The following SPAG16 variants were observed in gnomAD, a reference collection of about 807,000 sequenced individuals.
SPAG16 encodes the protein sperm-associated antigen 16 protein.
A neutral mutation model predicts 80.4 loss-of-function variants in SPAG16; 86 were observed. That is an observed-to-expected ratio of 1.07 (90% confidence interval 0.90 to 1.28). The LOEUF (loss-of-function observed/expected upper bound fraction) is 1.28. Ranked by LOEUF, SPAG16 falls within the 50% of genes most tolerant of loss-of-function variation. The probability of loss-of-function intolerance (pLI) is 0.00; values close to 1 mark genes in which losing one functional copy is unlikely to be tolerated. For synonymous variants in SPAG16, 294 were observed against 265.9 expected (o/e 1.11, Z -1.03); for missense variants, 870 against 765.3 (o/e 1.14, Z -1.61).
chr2:214,125,999 T>TTCC (rs2054458637), intron 14 of SPAG16, among the ~76,000 whole-genome samples: 2 of 91,630 alleles, frequency 2.2e-5, no homozygotes, highest in African/African-American at 8.1e-5. Flanking sequence ...TCCTTCCTTC[T>TTCC]TTCCTTCCTT....
intron 15 of SPAG16, among the ~76,000 whole-genome samples, chr2:214,244,404 A>G (rs915270370): frequency 1.3e-5 from 2 of 151,810 alleles, no homozygotes; most frequent in African/African-American, 4.8e-5. Context: ...GAAAAAAAAA[A>G]AAAAGACTTA....
chr2:213,868,909 C>T lies in SPAG16; in HGVS notation c.1214+6281C>T, dbSNP rs563312046. On this transcript the variant is annotated intron_variant, in intron 11 of 15. Transcript: ENST00000331683. ...CACATATTTATGTAGTGCCTAAAAC[C>T]ATAGTATGAAAACCCCTTGACGAGT... Among the ~76,000 whole-genome samples the T allele has an allele frequency of 8.9e-4, 136 of 152,148 alleles. 1 individual carries two copies. Among genetic ancestry groups the T allele is most frequent in the African/African-American group, 3.2e-3 (131 of 41,508 alleles).
intron 11 of SPAG16, among the ~76,000 whole-genome samples, chr2:213,916,551 G>C (rs2106190563): frequency 6.6e-6 from 1 of 152,292 alleles, no homozygotes; most frequent in South Asian, 2.1e-4. Context: ...GTAGTGTGAT[G>C]CCTCCAGCTT....
chr2:213,925,509 A>G (rs969817730), intron 11 of SPAG16, among the ~76,000 whole-genome samples: 5 of 151,934 alleles, frequency 3.3e-5, no homozygotes, highest in African/African-American at 1.2e-4. Context: ...CCACTACCCT[A>G]TCCGGCTAAT....
intron 15 of SPAG16, among the ~76,000 whole-genome samples, chr2:214,242,390 T>A (rs536636926): frequency 1.3e-5 from 2 of 152,126 alleles, no homozygotes; most frequent in Non-Finnish European, 2.9e-5. Context: ...ATAAAAAGAC[T>A]ATGGTAATCC....
chr2:214,260,022 G>A (rs964199963), intron 15 of SPAG16, among the ~76,000 whole-genome samples: 3 of 152,000 alleles, frequency 2.0e-5, no homozygotes, highest in African/African-American at 7.2e-5. Context: ...ATTTTATTTA[G>A]CAGAGGATTA....
chr2:213,976,135 T>TATATATATATATATATATATATAC (rs749957411), intron 12 of SPAG16, among the ~76,000 whole-genome samples: 2 of 81,404 alleles, frequency 2.5e-5, no homozygotes, highest in Non-Finnish European at 2.8e-5. Context: ...TATATATATA[T>TATATATATATATATATATATATAC]ACACACACAC....
chr2:213,987,260 A>G (rs1349530629), intron 12 of SPAG16, among the ~76,000 whole-genome samples: 1 of 151,912 alleles, frequency 6.6e-6, no homozygotes. Flanking sequence ...ACACTTTCCA[A>G]TTTCTTCTGC....
At chr2:213,945,877 G>A (rs1262082823) in intron 12 of SPAG16, among the ~76,000 whole-genome samples, 4 of 152,084 alleles carry the variant, frequency 2.6e-5, no homozygotes, top group Non-Finnish European at 5.9e-5. Flanking sequence ...TGTTACAGTA[G>A]CCCAAACTGA....
intron 15 of SPAG16, among the ~76,000 whole-genome samples, chr2:214,327,944 G>T (rs1423450805): frequency 6.6e-6 from 1 of 152,086 alleles, no homozygotes; most frequent in Non-Finnish European, 1.5e-5. Context: ...GTATCAGCAG[G>T]GTGGGTTATG....
At chr2:213,767,639 A>AAG (rs2069008026) in intron 10 of SPAG16, among the ~76,000 whole-genome samples, 1 of 136,700 alleles carries the variant, frequency 7.3e-6, no homozygotes, top group Non-Finnish European at 1.6e-5. Flanking sequence ...TTGAAAAAAA[A>AAG]AGAGAACAAC....
chr2:214,208,777 T>G (rs955022327), intron 15 of SPAG16, among the ~76,000 whole-genome samples: 3 of 152,130 alleles, frequency 2.0e-5, no homozygotes, highest in Non-Finnish European at 4.4e-5. Context: ...AATGGGCTAA[T>G]AGCTATATAA....
At chr2:214,333,834 A>C (rs987771536) in intron 15 of SPAG16, among the ~76,000 whole-genome samples, 2 of 152,212 alleles carry the variant, frequency 1.3e-5, no homozygotes, top group African/African-American at 4.8e-5. Flanking sequence ...AGATGGAAAC[A>C]ACTGAGTCAA....
intron 3 of SPAG16, among the ~76,000 whole-genome samples, chr2:213,302,882 A>G (rs1345686542): frequency 6.6e-6 from 1 of 152,106 alleles, no homozygotes; most frequent in Non-Finnish European, 1.5e-5. Context: ...CGTACATACA[A>G]CAAACATCCT....
intron 10 of SPAG16, among the ~76,000 whole-genome samples, chr2:213,494,883 G>T (rs2074412874): frequency 6.6e-6 from 1 of 152,006 alleles, no homozygotes; most frequent in African/African-American, 2.4e-5. Context: ...CTACTCCAAG[G>T]TCTTTCCACT....
intron 10 of SPAG16, among the ~76,000 whole-genome samples, chr2:213,638,003 C>T (rs780505933): frequency 1.1e-4 from 16 of 152,110 alleles, no homozygotes; most frequent in Non-Finnish European, 1.5e-4. Flanking sequence ...GTGATCCGCC[C>T]GTCTTGGCCT....
intron 10 of SPAG16, among the ~76,000 whole-genome samples, chr2:213,615,898 T>C (rs2061577550): frequency 6.6e-6 from 1 of 151,346 alleles, no homozygotes. Flanking sequence ...ATTTTGGGGG[T>C]GGGGGCAAGG....
chr2:213,514,999 T>C (rs2075368794), intron 10 of SPAG16, among the ~76,000 whole-genome samples: 1 of 152,156 alleles, frequency 6.6e-6, no homozygotes, highest in Admixed American at 6.6e-5. Context: ...TTTTAAACTC[T>C]CTTGATAACC....
intron 11 of SPAG16, among the ~76,000 whole-genome samples, chr2:213,912,573 T>G (rs2077724204): frequency 6.6e-6 from 1 of 152,202 alleles, no homozygotes; most frequent in Non-Finnish European, 1.5e-5. Flanking sequence ...TTTGTGCATT[T>G]GACTTGTTTT....
Sources: gnomAD v4.1 joint callset for allele counts (sites outside exome capture counted in the v4.1 genomes callset) on GRCh38, gnomAD v4.1.1 for gene constraint, MANE v1.5 for transcripts, NCBI Gene and HGNC (gene_info 2026-07-23, HGNC 2026-07-21) for gene names.